The following BMPR1B variants were observed in gnomAD, a reference collection of about 807,000 sequenced individuals.
The protein encoded by BMPR1B is bone morphogenetic protein receptor type 1B.
A neutral mutation model predicts 59.1 loss-of-function variants in BMPR1B; 12 were observed. The ratio of observed to expected loss-of-function variants is 0.20; its 90% confidence interval spans 0.13 to 0.33. BMPR1B has a LOEUF of 0.33. Among genes scored for constraint, BMPR1B ranks in the 10% least tolerant of loss-of-function variants. BMPR1B has a pLI of 1.00. For synonymous variants in BMPR1B, 237 were observed against 207.3 expected (o/e 1.14, Z -1.23); for missense variants, 550 against 610.9 (o/e 0.90, Z 1.05).
intron 12 of BMPR1B, among the ~76,000 whole-genome samples, chr4:95,154,059 C>A (rs905658850): frequency 6.6e-6 from 1 of 152,096 alleles, no homozygotes; most frequent in African/African-American, 2.4e-5. Context: ...AATAGGAAGA[C>A]CAATAATTGA....
At chr4:94,991,801 G>T (rs1721777351) in intron 2 of BMPR1B, among the ~76,000 whole-genome samples, 1 of 152,196 alleles carries the variant, frequency 6.6e-6, no homozygotes, top group South Asian at 2.1e-4. Flanking sequence ...TTGATTAGAA[G>T]ATGAAAGTAA....
chr4:94,781,687 G>C (rs955041228), intron 1 of BMPR1B, among the ~76,000 whole-genome samples: 2 of 152,300 alleles, frequency 1.3e-5, no homozygotes, highest in South Asian at 2.1e-4. Flanking sequence ...TGGGGTTATA[G>C]GCGTGAGCCA....
intron 6 of BMPR1B, among the ~76,000 whole-genome samples, chr4:95,118,974 A>T (rs556937701): frequency 5.9e-5 from 9 of 152,310 alleles, no homozygotes; most frequent in South Asian, 4.1e-4. Flanking sequence ...TGCTCTCATA[A>T]ATCAGAAATA....
intron 8 of BMPR1B, among the ~76,000 whole-genome samples, 190 bp from the exon 9 acceptor site, chr4:95,129,672 C>G (rs547255329): frequency 7.9e-5 from 12 of 152,208 alleles, no homozygotes; most frequent in Admixed American, 2.0e-4. Context: ...AGAATCCACA[C>G]TCAATCTCAA....
intron 2 of BMPR1B, among the ~76,000 whole-genome samples, chr4:94,913,529 T>C (rs1191166300): frequency 1.3e-5 from 2 of 152,206 alleles, no homozygotes; most frequent in Admixed American, 6.5e-5. Context: ...TGCTTTGCTT[T>C]CTCCAGAGGC....
rs1038630242 is a variant in BMPR1B, at chr4:94,921,740, A to G, written c.-113+45840A>G. The stretch of plus-strand genomic sequence containing the variant: ...GAGATTTGGTGGGGGCACAGATCCA[A>G]TTATATCAATAAATACAACCTATTT... On this transcript the variant is annotated intron_variant, in intron 2 of 12. Coordinates refer to ENST00000515059, the MANE Select transcript of BMPR1B (RefSeq NM_001203.3). 1.3e-5 allele frequency among the ~76,000 whole-genome samples: 2 copies of G among 152,204 alleles called. 1 individual carries two copies. The highest frequency in any genetic ancestry group is 2.9e-5 in the Non-Finnish European group (2 of 68,040).
At chr4:94,845,731 C>T (rs1219365393) in intron 1 of BMPR1B, among the ~76,000 whole-genome samples, 2 of 152,152 alleles carry the variant, frequency 1.3e-5, no homozygotes, top group Non-Finnish European at 2.9e-5. Context: ...AAGTTTTTAT[C>T]TCTTATTTAT....
intron 1 of BMPR1B, among the ~76,000 whole-genome samples, chr4:94,777,110 A>G (rs543076041): frequency 7.1e-4 from 108 of 152,264 alleles, no homozygotes; most frequent in African/African-American, 2.5e-3. Flanking sequence ...ATCTTTATGA[A>G]TAGGTCCTTT....
intron 3 of BMPR1B, among the ~76,000 whole-genome samples, chr4:95,100,059 C>T (rs1399688699): frequency 6.6e-6 from 1 of 152,168 alleles, no homozygotes; most frequent in African/African-American, 2.4e-5. Flanking sequence ...GACCTGCCTT[C>T]AATGAGGCCT....
chr4:94,911,059 G>T (rs1337341582), intron 2 of BMPR1B, among the ~76,000 whole-genome samples: 2 of 152,096 alleles, frequency 1.3e-5, no homozygotes, highest in Non-Finnish European at 2.9e-5. Flanking sequence ...TTGGATATTT[G>T]ATACATACTA....
intron 1 of BMPR1B, among the ~76,000 whole-genome samples, chr4:94,790,404 A>T (rs78466476): frequency 0.024 from 3,656 of 152,226 alleles, 53 homozygotes; most frequent in African/African-American, 0.039. Context: ...ATAAGTACTG[A>T]GTTTGGGGGA....
chr4:94,907,937 A>G (rs1728110859), intron 2 of BMPR1B, among the ~76,000 whole-genome samples: 2 of 151,448 alleles, frequency 1.3e-5, no homozygotes, highest in South Asian at 2.1e-4. Flanking sequence ...GTATTCGCAG[A>G]TATTTGGGAG....
chr4:94,835,362 A>G (rs1724764807), intron 1 of BMPR1B, among the ~76,000 whole-genome samples: 1 of 152,120 alleles, frequency 6.6e-6, no homozygotes, highest in Admixed American at 6.6e-5. Context: ...AATATAAGAT[A>G]TGATGATTTG....
At chr4:94,848,042 TGTATACACCTA>T (rs1322218645) in intron 1 of BMPR1B, among the ~76,000 whole-genome samples, 2 of 152,164 alleles carry the variant, frequency 1.3e-5, no homozygotes, top group Non-Finnish European at 2.9e-5. Context: ...ACTCCATAAA[TGTATACACCTA>T]ATATGTGCCT....
intron 2 of BMPR1B, among the ~76,000 whole-genome samples, chr4:94,906,955 G>A (rs545509372): frequency 1.3e-5 from 2 of 151,928 alleles, no homozygotes; most frequent in East Asian, 3.9e-4. Flanking sequence ...AGCAACTCTT[G>A]GATTATCTCT....
At chr4:95,149,385 T>A (rs923161984) in intron 11 of BMPR1B, among the ~76,000 whole-genome samples, 5 of 152,210 alleles carry the variant, frequency 3.3e-5, no homozygotes, top group African/African-American at 9.6e-5. Flanking sequence ...CTGTATTTTT[T>A]ATAAAACTTC....
At chr4:95,073,946 C>G (rs1330263007) in intron 3 of BMPR1B, among the ~76,000 whole-genome samples, 5 of 152,172 alleles carry the variant, frequency 3.3e-5, no homozygotes, top group Non-Finnish European at 5.9e-5. Flanking sequence ...ACTTGCATCT[C>G]TCTTTCCTTG....
intron 4 of BMPR1B, among the ~76,000 whole-genome samples, chr4:95,110,285 T>C (rs1385323778): frequency 1.3e-5 from 2 of 151,934 alleles, no homozygotes; most frequent in African/African-American, 2.4e-5. Context: ...ATTATACTAA[T>C]GCTGGTTGAA....
intron 10 of BMPR1B, among the ~76,000 whole-genome samples, chr4:95,139,920 A>G (rs1300572568): frequency 6.6e-6 from 1 of 152,040 alleles, no homozygotes; most frequent in Non-Finnish European, 1.5e-5. Flanking sequence ...TTCGGCTCAC[A>G]CTGTGTGGGC....
Sources: gnomAD v4.1 joint callset for allele counts (sites outside exome capture counted in the v4.1 genomes callset) on GRCh38, gnomAD v4.1.1 for gene constraint, MANE v1.5 for transcripts, NCBI Gene and HGNC (gene_info 2026-07-23, HGNC 2026-07-21) for gene names.